The following USP43 variants were observed in gnomAD, a reference collection of about 807,000 sequenced individuals.
USP43 encodes ubiquitin specific peptidase 43.
USP43 carries 33 observed loss-of-function variants against 90.7 expected under a neutral mutation model. That is an observed-to-expected ratio of 0.36 (90% confidence interval 0.28 to 0.49). The LOEUF is 0.49. Among genes scored for constraint, USP43 ranks in the 20% least tolerant of loss-of-function variants. USP43 has a pLI of 0.98. For synonymous variants in USP43, 598 were observed against 615.8 expected, an observed-to-expected ratio of 0.97 and a Z score of 0.43; for missense variants, 1,274 against 1,476.4, an observed-to-expected ratio of 0.86 and a Z score of 2.25.
At chr17:9,656,678 G>A in intron 2 of USP43, 144 bp downstream of exon 2, 5 of 1,084,282 alleles carry the variant, frequency 4.6e-6, no homozygotes, top group Non-Finnish European at 6.3e-6. Flanking sequence ...TCTGTTCCCT[G>A]CTTCCTTCTC....
intron 8 of USP43, among the ~76,000 whole-genome samples, chr17:9,691,375 C>T (rs948244583): frequency 2.0e-5 from 3 of 152,150 alleles, no homozygotes; most frequent in African/African-American, 7.2e-5. Context: ...GCCTCAGCCT[C>T]CCAGAGTGCT....
chr17:9,688,672 C>T (rs970611836), intron 8 of USP43, among the ~76,000 whole-genome samples: 7 of 151,726 alleles, frequency 4.6e-5, no homozygotes, highest in Non-Finnish European at 5.9e-5. Flanking sequence ...TGCCTCCATA[C>T]CTTTGCAGTC....
Position 9,712,147 on chromosome 17 carries a change from T to C in USP43, c.2335+15T>C, listed in dbSNP as rs370837886. Reference sequence around the variant, plus strand: ...TCAGGAAAAGGGTATGTTGGTTAAATGTGCTTGGTTGATTTTCATTTTCTG... The same window carrying C: ...TCAGGAAAAGGGTATGTTGGTTAAACGTGCTTGGTTGATTTTCATTTTCTG... On this transcript the variant is annotated intron_variant, in intron 14 of 14. Coordinates refer to ENST00000285199, the MANE Select transcript of USP43 (RefSeq NM_153210.5). 1.7e-4 allele frequency: 264 copies of C among 1,538,144 alleles called. No homozygotes were observed. Among genetic ancestry groups the C allele is most frequent in the Non-Finnish European group, 2.3e-4 (257 of 1,138,816 alleles).
In USP43 at chr17:9,664,205, C is replaced by A. The variant is rs561650992; in HGVS notation, c.637-2443C>A. Among the ~76,000 whole-genome samples, 18 of 152,260 alleles carry A rather than the reference C, an allele frequency of 1.2e-4. No homozygotes were observed. The East Asian group carries it at 1.7e-3, about 15-fold the overall frequency. On this transcript the variant is annotated intron_variant, in intron 2 of 14. Transcript: ENST00000285199. ...ATTAATTATGCAGTAAACACTCCTC[C>A]CCATCACCTAGATTCTACAACTTAC...
intron 8 of USP43, among the ~76,000 whole-genome samples, chr17:9,688,443 C>T (rs1024822276): frequency 1.1e-4 from 17 of 151,222 alleles, no homozygotes; most frequent in African/African-American, 3.4e-4. Context: ...CTCCGCCTCC[C>T]AGGTTCAAGC....
intron 1 of USP43, among the ~76,000 whole-genome samples, chr17:9,652,245 G>GA (rs930949204): frequency 7.0e-6 from 1 of 143,656 alleles, no homozygotes; most frequent in African/African-American, 2.7e-5. Context: ...GAAAAGAAAG[G>GA]AAAAAAAAGA....
Position 9,729,125 on chromosome 17 carries a change from T to A in USP43, c.*135T>A. 1.4e-6 allele frequency: 1 copy of A among 740,190 alleles called. No individual in the cohort carries two copies. The highest frequency in any genetic ancestry group is 2.0e-6 in the Non-Finnish European group (1 of 511,992). The allele number at this position is 740,190 out of a possible 1,614,324, so 45.9% of individuals were successfully genotyped here. ...CTAAAAAAAAATTTTTTTTTTTTTG[T>A]GGTGGGGGGTCTCCATATCTAGACT... On this transcript the variant is annotated 3_prime_UTR_variant, in exon 15 of 15. Transcript: ENST00000285199.
intron 1 of USP43, 52 bp downstream of exon 1, chr17:9,646,188 A>G (rs912715396): frequency 7.2e-7 from 1 of 1,384,706 alleles, no homozygotes; most frequent in East Asian, 3.1e-5. Flanking sequence ...TCGCCTCTTG[A>G]AAAGTGTGTG....
chr17:9,729,066 A>T lies in USP43; in HGVS notation c.*76A>T. The T allele has an allele frequency of 7.3e-7, 1 of 1,374,254 alleles. No individual in the cohort carries two copies. Among genetic ancestry groups the T allele is most frequent in the Non-Finnish European group, 9.5e-7 (1 of 1,049,186 alleles). The allele number at this position is 1,374,254 out of a possible 1,614,324, so 85.1% of individuals were successfully genotyped here. A position where few individuals can be genotyped will look rare whatever the true frequency, so the allele number is the denominator to read the frequency against. On this transcript the variant is annotated 3_prime_UTR_variant, in exon 15 of 15. Coordinates refer to ENST00000285199, the MANE Select transcript of USP43 (RefSeq NM_153210.5). Reference sequence around the variant, plus strand: ...CAACTGTAGGCAGCTCATGTTGAGAATGGGTTTCCAGGAAACCCGTTGTCT... The same window carrying T: ...CAACTGTAGGCAGCTCATGTTGAGATTGGGTTTCCAGGAAACCCGTTGTCT...
chr17:9,709,830 C>A lies in USP43; in HGVS notation c.2012-126C>A. 1 of 1,066,614 alleles carries A rather than the reference C, an allele frequency of 9.4e-7. No homozygotes were observed. Among genetic ancestry groups the A allele is most frequent in the Non-Finnish European group, 1.2e-6 (1 of 822,940 alleles). 66.1% of individuals were successfully genotyped at this position (1,066,614 alleles called of 1,614,324 possible). ...GATTCCAAAAAAAATTCATTTCTGG[C>A]CAAAAATGGACTGTTTTTTTCTCAT... On this transcript the variant is annotated intron_variant, in intron 12 of 14. Transcript: ENST00000285199. This position sits in a 1 kb window ranked among gnomAD's most constrained non-coding sequence, Gnocchi z 5.0.
At chr17:9,649,477 A>C (rs1054897528) in intron 1 of USP43, among the ~76,000 whole-genome samples, 2 of 152,054 alleles carry the variant, frequency 1.3e-5, no homozygotes, top group Non-Finnish European at 2.9e-5. Context: ...CCTGTCACCC[A>C]GATAGTGAAC....
chr17:9,717,705 C>A (rs2151998956), intron 14 of USP43, among the ~76,000 whole-genome samples: 1 of 152,104 alleles, frequency 6.6e-6, no homozygotes, highest in East Asian at 1.9e-4. Flanking sequence ...GGGGGCCTAT[C>A]CAGGGCTGGT....
At chr17:9,681,465 TATATATATATATATA>T (rs1567661201) in intron 6 of USP43, among the ~76,000 whole-genome samples, 2,083 of 72,992 alleles carry the variant, frequency 0.029, 173 homozygotes, top group African/African-American at 0.076. Flanking sequence ...AAATATATTA[TATATATATATATATA>T]TATATATATA....
At chr17:9,651,174 G>GTT (rs145339421) in intron 1 of USP43, among the ~76,000 whole-genome samples, 4,415 of 151,390 alleles carry the variant, frequency 0.029, 207 homozygotes, top group African/African-American at 0.1. Flanking sequence ...GCTGTTTGAT[G>GTT]TTTTTTTTGT....
At chr17:9,690,140 A>G (rs764536792) in intron 8 of USP43, among the ~76,000 whole-genome samples, 13 of 152,258 alleles carry the variant, frequency 8.5e-5, no homozygotes, top group Non-Finnish European at 5.9e-5. Flanking sequence ...TCCCACAGCC[A>G]AAGGGGTCGG....
At chr17:9,649,120 A>G (rs1336994905) in intron 1 of USP43, among the ~76,000 whole-genome samples, 1 of 152,038 alleles carries the variant, frequency 6.6e-6, no homozygotes, top group Non-Finnish European at 1.5e-5. Context: ...CCTTCTGACC[A>G]ATATGGTGAA....
chr17:9,647,086 AAAAAG>A (rs1911476961), intron 1 of USP43: 3 of 150,724 alleles, frequency 2.0e-5, no homozygotes, highest in South Asian at 2.1e-4. Context: ...AAAAAAGAAA[AAAAAG>A]AAAAAAAAAG....
chr17:9,655,444 A>T (rs781717499), intron 1 of USP43, among the ~76,000 whole-genome samples: 2 of 152,324 alleles, frequency 1.3e-5, no homozygotes, highest in Admixed American at 6.5e-5. Flanking sequence ...TAGAAGGAAG[A>T]CTTCATTATC....
chr17:9,715,878 T>C (rs1167992899), intron 14 of USP43, among the ~76,000 whole-genome samples: 1 of 151,812 alleles, frequency 6.6e-6, no homozygotes, highest in Non-Finnish European at 1.5e-5. Context: ...TGTGTATCTG[T>C]GTGTGTGTCT....
Sources: gnomAD v4.1 joint callset for allele counts (sites outside exome capture counted in the v4.1 genomes callset) on GRCh38, gnomAD v4.1.1 for gene constraint, Gnocchi (gnomAD v3.1) non-coding constraint, MANE v1.5 for transcripts, NCBI Gene and HGNC (gene_info 2026-07-23, HGNC 2026-07-21) for gene names.